The following ADRB1 variants were observed in gnomAD, a reference collection of about 807,000 sequenced individuals.
ADRB1 encodes beta-1 adrenergic receptor.
For missense variants in ADRB1, 635 were observed against 709.1 expected, an observed-to-expected ratio of 0.90 and a Z score of 1.19; for synonymous variants, 365 against 347.2, an observed-to-expected ratio of 1.05 and a Z score of -0.57.
Position 114,044,119 on chromosome 10 carries a change from C to G in ADRB1, c.-14C>G, listed in dbSNP as rs1589584476. On this transcript the variant is annotated 5_prime_UTR_variant, in exon 1 of 1. Transcript: ENST00000369295. The surrounding 1 kb of genome is among the most constrained non-coding windows in gnomAD (Gnocchi z 7.8). The stretch of plus-strand genomic sequence containing the variant: ...CCCTGCCACACCCCCCGCCCCCGGC[C>G]TCCGCAGCTCGGCATGGGCGCGGGG... 1.8e-5 allele frequency: 23 copies of G among 1,261,704 alleles called. No homozygotes were observed. The East Asian group carries it at 7.7e-4, about 42-fold the overall frequency. The allele number at this position is 1,261,704 out of a possible 1,614,324, so 78.2% of individuals were successfully genotyped here.
Position 114,044,441 on chromosome 10 carries a change from C to A in ADRB1, c.309C>A (p.Ala103=). The change falls in exon 1 of 1, where the codon GCC becomes GCA. Residue 103 remains alanine, a synonymous_variant. Coordinates refer to ENST00000369295, the MANE Select transcript of ADRB1 (RefSeq NM_000684.3). This position sits in a 1 kb window ranked among gnomAD's most constrained non-coding sequence, Gnocchi z 7.8. The part of the protein sequence containing the change: ...TNLFIMSLAS[A]DLVMGLLVVP... ...TCTTCATCATGTCCCTGGCCAGCGC[C>A]GACCTGGTCATGGGGCTGCTGGTGG... 1 of 1,612,960 alleles carries A rather than the reference C, an allele frequency of 6.2e-7. No individual in the cohort carries two copies. The highest frequency in any genetic ancestry group is 8.5e-7 in the Non-Finnish European group (1 of 1,179,976).
chr10:114,044,329 C>G lies in ADRB1; in HGVS notation c.197C>G (p.Ala66Gly), dbSNP rs781616595. Residue 66 changes from alanine (A) to glycine (G), a missense_variant, in exon 1 of 1, where the codon GCG becomes GGG. Transcript: ENST00000369295. This position sits in a 1 kb window ranked among gnomAD's most constrained non-coding sequence, Gnocchi z 7.8. ...QWTAGMGLLM[A>G]LIVLLIVAGN... ...ACAGCGGGCATGGGTCTGCTGATGG[C>G]GCTCATCGTGCTGCTCATCGTGGCG... is the stretch of plus-strand genomic sequence containing the variant. The G allele has an allele frequency of 1.9e-6, 3 of 1,600,136 alleles. No homozygotes were observed. The South Asian group carries it at 3.3e-5, about 18-fold the overall frequency.
At position 114,044,230 on chromosome 10, in the gene ADRB1, T is replaced by G. The variant is rs754908383; in HGVS notation, c.98T>G (p.Leu33Arg). Residue 33 changes from leucine to arginine, a missense_variant, in exon 1 of 1, where the codon CTG (leucine) becomes CGG (arginine). By Grantham distance (102) the Leu-to-Arg change is moderately radical. Transcript: ENST00000369295. The surrounding 1 kb of genome is among the most constrained non-coding windows in gnomAD (Gnocchi z 7.8). ...PDGAATAARL[L>R]VPASPPASLL... is the part of the protein sequence containing the mutation. Reference sequence around the variant, plus strand: ...GGCGCGGCCACCGCGGCGCGGCTGCTGGTGCCCGCGTCGCCGCCCGCCTCG... The same window carrying G: ...GGCGCGGCCACCGCGGCGCGGCTGCGGGTGCCCGCGTCGCCGCCCGCCTCG... 1 of 1,444,206 alleles carries G rather than the reference T, an allele frequency of 6.9e-7. No individual in the cohort carries two copies. The highest frequency in any genetic ancestry group is 9.0e-7 in the Non-Finnish European group (1 of 1,109,386). The allele number at this position is 1,444,206 out of a possible 1,614,324, so 89.5% of individuals were successfully genotyped here. A position where few individuals can be genotyped will look rare whatever the true frequency, so the allele number is the denominator to read the frequency against.
rs1400945012 is a variant in ADRB1 at position 114,045,797 on chromosome 10, C to CTT, written c.*232_*233dup. 5,918 of 178,926 alleles carry CTT rather than the reference C, an allele frequency of 0.033. 237 individuals carry two copies. The highest frequency in any genetic ancestry group is 0.1 in the Admixed American group (913 of 9,160). The allele number at this position is 178,926 out of a possible 1,614,324, so 11.1% of individuals were successfully genotyped here. On this transcript the variant is annotated 3_prime_UTR_variant, in exon 1 of 1. Transcript: ENST00000369295. ...TTTTTTTTCTTTTCTTTTCTTTCTTCTTCTTTTTTTTTTTTTTTTTTTTTT... is the reference window on the plus strand; with the variant it reads ...TTTTTTTTCTTTTCTTTTCTTTCTTCTTTTCTTTTTTTTTTTTTTTTTTTTTT...
chr10:114,045,210 G>C lies in ADRB1; in HGVS notation c.1078G>C (p.Val360Leu), dbSNP rs1315964996. ...CGAGCTGGTGCCCGACCGCCTCTTC[G>C]TCTTCTTCAACTGGCTGGGCTACGC... Reference protein sequence around the residue: ...HRELVPDRLFVFFNWLGYANS... With the variant: ...HRELVPDRLFLFFNWLGYANS... Residue 360 changes from valine to leucine, a missense_variant, in exon 1 of 1, where the codon GTC becomes CTC. Transcript: ENST00000369295. 6.3e-7 allele frequency: 1 copy of C among 1,598,132 alleles called. No individual in the cohort carries two copies. The highest frequency in any genetic ancestry group is 8.5e-7 in the Non-Finnish European group (1 of 1,171,900).
Position 114,045,961 on chromosome 10 carries a change from A to G in ADRB1, c.*395A>G, listed in dbSNP as rs1055571158. ...GTTAGGGGAAGGGAGAAGCATTAGGAGGGGATTAAAATCGATCATCGTGGC... is the reference window on the plus strand; with the variant it reads ...GTTAGGGGAAGGGAGAAGCATTAGGGGGGGATTAAAATCGATCATCGTGGC... On this transcript the variant is annotated 3_prime_UTR_variant, in exon 1 of 1. Transcript: ENST00000369295. The G allele has an allele frequency of 5.2e-5, 9 of 172,124 alleles. No homozygotes were observed. The highest frequency in any genetic ancestry group is 8.4e-5 in the Non-Finnish European group (6 of 71,852). The allele number at this position is 172,124 out of a possible 1,614,324, so 10.7% of individuals were successfully genotyped here.
In ADRB1 at chr10:114,045,006, C is replaced by T; in HGVS notation, c.874C>T (p.Pro292Ser). ...CGCGCCGCCGCCCGGACCCCCGCGC[C>T]CCGCCGCCGCCGCCGCCACCGCCCC... ...APAPPPGPPR[P>S]AAAAATAPLA... Residue 292 changes from proline to serine, a missense_variant, in exon 1 of 1, where the codon CCC becomes TCC. Transcript: ENST00000369295. 9.2e-7 allele frequency: 1 copy of T among 1,083,358 alleles called. No individual in the cohort carries two copies. Among genetic ancestry groups the T allele is most frequent in the South Asian group, 4.3e-5 (1 of 23,032 alleles). The allele number at this position is 1,083,358 out of a possible 1,614,324, so 67.1% of individuals were successfully genotyped here. A position where few individuals can be genotyped will look rare whatever the true frequency, so the allele number is the denominator to read the frequency against.
At position 114,044,108 on chromosome 10, in the gene ADRB1, C is replaced by A; in HGVS notation, c.-25C>A. ...CCACGGCCCAGCCCTGCCACACCCC[C>A]CGCCCCCGGCCTCCGCAGCTCGGCA... On this transcript the variant is annotated 5_prime_UTR_variant, in exon 1 of 1. Coordinates refer to ENST00000369295, the MANE Select transcript of ADRB1 (RefSeq NM_000684.3). This position sits in a 1 kb window ranked among gnomAD's most constrained non-coding sequence, Gnocchi z 7.8. The A allele has an allele frequency of 1.6e-6, 2 of 1,252,822 alleles. No individual in the cohort carries two copies. Among genetic ancestry groups the A allele is most frequent in the South Asian group, 3.1e-5 (1 of 31,990 alleles). 77.6% of individuals were successfully genotyped at this position (1,252,822 alleles called of 1,614,324 possible). A position where few individuals can be genotyped will look rare whatever the true frequency, so the allele number is the denominator to read the frequency against.
In ADRB1 at chr10:114,045,275, C is replaced by T. The variant is rs754576429; in HGVS notation, c.1143C>T (p.Pro381=). 2.5e-6 allele frequency: 4 copies of T among 1,590,440 alleles called. No individual in the cohort carries two copies. The highest frequency in any genetic ancestry group is 1.7e-4 in the Middle Eastern group (1 of 5,996). The change falls in exon 1 of 1, where the codon CCC becomes CCT. Residue 381 remains proline, a synonymous_variant. Coordinates refer to ENST00000369295, the MANE Select transcript of ADRB1 (RefSeq NM_000684.3). The part of the protein sequence containing the change: ...AFNPIIYCRS[P]DFRKAFQGLL... ...ACCCCATCATCTACTGCCGCAGCCC[C>T]GACTTCCGCAAGGCCTTCCAGGGAC...
In ADRB1 at chr10:114,045,622, T is replaced by C; in HGVS notation, c.*56T>C. ...GGCTTCCCAGGGGAACGAGGAGATC[T>C]GTGTTTACTTAAGACCGATAGCAGG... On this transcript the variant is annotated 3_prime_UTR_variant, in exon 1 of 1. Transcript: ENST00000369295. 1 of 1,245,418 alleles carries C rather than the reference T, an allele frequency of 8.0e-7. No individual in the cohort carries two copies. Among genetic ancestry groups the C allele is most frequent in the South Asian group, 3.6e-5 (1 of 27,582 alleles). 77.1% of individuals were successfully genotyped at this position (1,245,418 alleles called of 1,614,324 possible). A position where few individuals can be genotyped will look rare whatever the true frequency, so the allele number is the denominator to read the frequency against.
rs1444058324 is a variant in ADRB1, at chr10:114,045,590, C to T, written c.*24C>T. ...AGGGCCCGGCGCGGGGCGCGGACTC[C>T]GGGCACGGCTTCCCAGGGGAACGAG... On this transcript the variant is annotated 3_prime_UTR_variant, in exon 1 of 1. Coordinates refer to ENST00000369295, the MANE Select transcript of ADRB1 (RefSeq NM_000684.3). The T allele has an allele frequency of 2.1e-5, 27 of 1,271,966 alleles. No individual in the cohort carries two copies. Among genetic ancestry groups the T allele is most frequent in the Non-Finnish European group, 2.7e-5 (27 of 1,001,472 alleles). 78.8% of individuals were successfully genotyped at this position (1,271,966 alleles called of 1,614,324 possible).
rs1233183206 is a variant in ADRB1, at chr10:114,046,309, T to C, written c.*743T>C. On this transcript the variant is annotated 3_prime_UTR_variant, in exon 1 of 1. Transcript: ENST00000369295. Reference sequence around the variant, plus strand: ...GCATTTGCACAGCAGATAGAAAGACTTGTTTATATTAAACAGCTTATTTAT... The same window carrying C: ...GCATTTGCACAGCAGATAGAAAGACCTGTTTATATTAAACAGCTTATTTAT... 1 of 167,140 alleles carries C rather than the reference T, an allele frequency of 6.0e-6. No homozygotes were observed. Among genetic ancestry groups the C allele is most frequent in the Non-Finnish European group, 1.5e-5 (1 of 68,134 alleles). The allele number at this position is 167,140 out of a possible 1,614,324, so 10.4% of individuals were successfully genotyped here. A position where few individuals can be genotyped will look rare whatever the true frequency, so the allele number is the denominator to read the frequency against.
At position 114,044,855 on chromosome 10, in the gene ADRB1, C is replaced by T. The variant is rs538880634; in HGVS notation, c.723C>T (p.Ala241=). ...VSFYVPLCIM[A]FVYLRVFREA... ...TCTACGTGCCCCTGTGCATCATGGCCTTCGTGTACCTGCGGGTGTTCCGCG... is the reference window on the plus strand; with the variant it reads ...TCTACGTGCCCCTGTGCATCATGGCTTTCGTGTACCTGCGGGTGTTCCGCG... Residue 241 remains alanine, a synonymous_variant, in exon 1 of 1, where the codon GCC becomes GCT. Coordinates refer to ENST00000369295, the MANE Select transcript of ADRB1 (RefSeq NM_000684.3). The surrounding 1 kb of genome is among the most constrained non-coding windows in gnomAD (Gnocchi z 7.8). 2.0e-5 allele frequency: 33 copies of T among 1,613,608 alleles called. No homozygotes were observed. Among genetic ancestry groups the T allele is most frequent in the South Asian group, 2.2e-5 (2 of 91,080 alleles).
chr10:114,045,692 G>C lies in ADRB1; in HGVS notation c.*126G>C. 1 of 995,270 alleles carries C rather than the reference G, an allele frequency of 1.0e-6. No homozygotes were observed. Among genetic ancestry groups the C allele is most frequent in the Non-Finnish European group, 1.3e-6 (1 of 763,708 alleles). The allele number at this position is 995,270 out of a possible 1,614,324, so 61.7% of individuals were successfully genotyped here. A position where few individuals can be genotyped will look rare whatever the true frequency, so the allele number is the denominator to read the frequency against. On this transcript the variant is annotated 3_prime_UTR_variant, in exon 1 of 1. Coordinates refer to ENST00000369295, the MANE Select transcript of ADRB1 (RefSeq NM_000684.3). ...CCTCGTCTGAATCATCCGAGGCAAA[G>C]AGAAAAGCCACGGACCGTTGCACAA...
chr10:114,045,745 A>T lies in ADRB1; in HGVS notation c.*179A>T. 6 of 369,312 alleles carry T rather than the reference A, an allele frequency of 1.6e-5. No individual in the cohort carries two copies. The highest frequency in any genetic ancestry group is 6.9e-4 in the Middle Eastern group (1 of 1,440). The allele number at this position is 369,312 out of a possible 1,614,324, so 22.9% of individuals were successfully genotyped here. ...AGGAAAGTTTGGGAAGGGATGGGAGAGTGGCTTGCTGATGTTCCTTGTTGT... is the reference window on the plus strand; with the variant it reads ...AGGAAAGTTTGGGAAGGGATGGGAGTGTGGCTTGCTGATGTTCCTTGTTGT... On this transcript the variant is annotated 3_prime_UTR_variant, in exon 1 of 1. Transcript: ENST00000369295.
In ADRB1 at chr10:114,046,355, G is replaced by C. The variant is rs561425498; in HGVS notation, c.*789G>C. On this transcript the variant is annotated 3_prime_UTR_variant, in exon 1 of 1. Transcript: ENST00000369295. The stretch of plus-strand genomic sequence containing the variant: ...TTTATGTATCAATATTAGTTGGAAG[G>C]ACCAGGCGCAGAGCCTCTCTCTGTG... The C allele has an allele frequency of 6.0e-6, 1 of 167,030 alleles. No homozygotes were observed. The highest frequency in any genetic ancestry group is 1.5e-5 in the Non-Finnish European group (1 of 68,122). 10.3% of individuals were successfully genotyped at this position (167,030 alleles called of 1,614,324 possible).
In ADRB1 at chr10:114,044,571, G is replaced by A. The variant is rs1351428806; in HGVS notation, c.439G>A (p.Glu147Lys). 6.2e-7 allele frequency: 1 copy of A among 1,613,620 alleles called. No individual in the cohort carries two copies. The highest frequency in any genetic ancestry group is 1.1e-5 in the South Asian group (1 of 91,082). ...CGTGCTGTGCGTGACGGCCAGCATCGAGACCCTGTGTGTCATTGCCCTGGA... is the reference window on the plus strand; with the variant it reads ...CGTGCTGTGCGTGACGGCCAGCATCAAGACCCTGTGTGTCATTGCCCTGGA... ...VDVLCVTASI[E>K]TLCVIALDRY... is the part of the protein sequence containing the mutation. The change falls in exon 1 of 1, where the codon GAG (glutamate) becomes AAG (lysine). Residue 147 changes from glutamate to lysine, a missense_variant. Transcript: ENST00000369295. The surrounding 1 kb of genome is among the most constrained non-coding windows in gnomAD (Gnocchi z 7.8).
chr10:114,045,671 G>A lies in ADRB1; in HGVS notation c.*105G>A. 1 of 1,112,658 alleles carries A rather than the reference G, an allele frequency of 9.0e-7. No homozygotes were observed. The highest frequency in any genetic ancestry group is 1.2e-6 in the Non-Finnish European group (1 of 868,100). 68.9% of individuals were successfully genotyped at this position (1,112,658 alleles called of 1,614,324 possible). A position where few individuals can be genotyped will look rare whatever the true frequency, so the allele number is the denominator to read the frequency against. On this transcript the variant is annotated 3_prime_UTR_variant, in exon 1 of 1. Transcript: ENST00000369295. The stretch of plus-strand genomic sequence containing the variant: ...GGTGAACTCGAAGCCCACAATCCTC[G>A]TCTGAATCATCCGAGGCAAAGAGAA...
rs1283506270 is a variant in ADRB1, at chr10:114,044,883, G to A, written c.751G>A (p.Ala251Thr). The change falls in exon 1 of 1, where the codon GCC becomes ACC. Residue 251 changes from alanine to threonine, a missense_variant. Physicochemically the swap from Ala to Thr is moderately conservative, Grantham distance 58. Coordinates refer to ENST00000369295, the MANE Select transcript of ADRB1 (RefSeq NM_000684.3). The surrounding 1 kb of genome is among the most constrained non-coding windows in gnomAD (Gnocchi z 7.8). The stretch of plus-strand genomic sequence containing the variant: ...CGTGTACCTGCGGGTGTTCCGCGAG[G>A]CCCAGAAGCAGGTGAAGAAGATCGA... ...AFVYLRVFRE[A>T]QKQVKKIDSC... 1 of 1,611,830 alleles carries A rather than the reference G, an allele frequency of 6.2e-7. No homozygotes were observed.
Sources: gnomAD v4.1 joint callset for allele counts on GRCh38, gnomAD v4.1.1 for gene constraint, Gnocchi (gnomAD v3.1) non-coding constraint, MANE v1.5 for transcripts, NCBI Gene and HGNC (gene_info 2026-07-23, HGNC 2026-07-21) for gene names.